Variants in THSD7A observed in about 807,000 individuals in gnomAD.
The protein encoded by THSD7A is thrombospondin type-1 domain-containing protein 7A.
THSD7A carries 96 observed loss-of-function variants against 231.3 expected under a neutral mutation model. The ratio of observed to expected loss-of-function variants is 0.41; its 90% CI spans 0.35 to 0.49. The LOEUF (loss-of-function observed/expected upper bound fraction) is 0.49. THSD7A is among the 20% of genes least tolerant of loss of function. The pLI is 0.05. For synonymous variants in THSD7A, 940 were observed against 743.3 expected, an observed-to-expected ratio of 1.26 and a Z score of -4.30; for missense variants, 2,290 against 2,070.2, an observed-to-expected ratio of 1.11 and a Z score of -2.06.
chr7:11,593,703 T>A (rs1780255651), intron 2 of THSD7A, among the ~76,000 whole-genome samples: 1 of 152,208 alleles, frequency 6.6e-6, no homozygotes, highest in African/African-American at 2.4e-5. Context: ...TTCTGTTTTC[T>A]AAGAGTTGTT....
intron 7 of THSD7A, among the ~76,000 whole-genome samples, chr7:11,477,079 G>A (rs1277104169): frequency 4.6e-5 from 7 of 152,026 alleles, no homozygotes; most frequent in Non-Finnish European, 1.0e-4. Flanking sequence ...AAACAGATAA[G>A]TTATGACCAT....
chr7:11,605,707 T>C (rs1780711460), intron 2 of THSD7A, among the ~76,000 whole-genome samples: 1 of 152,136 alleles, frequency 6.6e-6, no homozygotes, highest in East Asian at 1.9e-4. Context: ...TTACCACATA[T>C]TAGGCAGTTT....
In THSD7A at chr7:11,735,983, A is replaced by T. The variant is rs538192242; in HGVS notation, c.190+95774T>A. On this transcript the variant is annotated intron_variant, in intron 1 of 27. Transcript: ENST00000423059. ...ATTTACTTCTAGTGTTATATTAAAC[A>T]TATTTAAATATGTTGTTTTAGATAC... Among the ~76,000 whole-genome samples the T allele has an allele frequency of 1.1e-3, 164 of 152,090 alleles. 2 individuals are homozygous for T. Among genetic ancestry groups the T allele is most frequent in the African/African-American group, 3.7e-3 (155 of 41,550 alleles).
intron 6 of THSD7A, among the ~76,000 whole-genome samples, chr7:11,506,049 C>A (rs931823674): frequency 2.6e-5 from 4 of 152,024 alleles, no homozygotes; most frequent in Non-Finnish European, 5.9e-5. Context: ...TGGCACAGTC[C>A]CTGAAGCAGG....
At chr7:11,619,995 T>C (rs902826338) in intron 2 of THSD7A, among the ~76,000 whole-genome samples, 2 of 152,202 alleles carry the variant, frequency 1.3e-5, no homozygotes, top group Non-Finnish European at 2.9e-5. Flanking sequence ...TTCCTTAGCA[T>C]CTAGTCTACT....
intron 1 of THSD7A, among the ~76,000 whole-genome samples, chr7:11,791,912 G>A (rs1418266544): frequency 6.6e-6 from 1 of 151,674 alleles, no homozygotes; most frequent in African/African-American, 2.4e-5. Flanking sequence ...CTATCCACAG[G>A]GGCTTTTTTA....
At chr7:11,621,183 A>T (rs998830565) in intron 2 of THSD7A, among the ~76,000 whole-genome samples, 4 of 152,220 alleles carry the variant, frequency 2.6e-5, no homozygotes, top group Non-Finnish European at 5.9e-5. Flanking sequence ...ACAGCAGAGA[A>T]CATGCATCAT....
At chr7:11,517,330 G>A (rs974980272) in intron 6 of THSD7A, among the ~76,000 whole-genome samples, 4 of 151,824 alleles carry the variant, frequency 2.6e-5, no homozygotes, top group East Asian at 1.9e-4. Flanking sequence ...CGCCCACCTC[G>A]GCCTCCCAAA....
intron 1 of THSD7A, among the ~76,000 whole-genome samples, chr7:11,777,648 T>G (rs1043993179): frequency 6.6e-6 from 1 of 152,204 alleles, no homozygotes; most frequent in Admixed American, 6.5e-5. Context: ...TTGTCTAAGA[T>G]AGTCTAATTC....
At chr7:11,775,189 G>T (rs925036417) in intron 1 of THSD7A, among the ~76,000 whole-genome samples, 2 of 152,152 alleles carry the variant, frequency 1.3e-5, no homozygotes, top group Non-Finnish European at 2.9e-5. Context: ...AAACGGCACA[G>T]AAAATAACAA....
intron 4 of THSD7A, among the ~76,000 whole-genome samples, chr7:11,581,512 GA>G (rs1254395875): frequency 1.3e-5 from 2 of 151,846 alleles, no homozygotes; most frequent in African/African-American, 4.8e-5. Context: ...GGAAAAACTA[GA>G]ATGATAAAAA....
intron 6 of THSD7A, among the ~76,000 whole-genome samples, chr7:11,512,513 G>T (rs1321145487): frequency 6.6e-6 from 1 of 151,942 alleles, no homozygotes; most frequent in African/African-American, 2.4e-5. Context: ...CTATTCACAA[G>T]AGCAGACTTG....
chr7:11,410,259 G>C (rs1783736188), intron 19 of THSD7A, among the ~76,000 whole-genome samples: 1 of 152,106 alleles, frequency 6.6e-6, no homozygotes, highest in Non-Finnish European at 1.5e-5. Flanking sequence ...ATGTAAGAAA[G>C]TTAAGTTAGG....
chr7:11,473,111 A>T (rs183955649), intron 8 of THSD7A, among the ~76,000 whole-genome samples: 5 of 152,274 alleles, frequency 3.3e-5, no homozygotes, highest in Admixed American at 1.3e-4. Flanking sequence ...TCTCACTGGC[A>T]TGTCTTCTGT....
At chr7:11,530,736 A>G (rs12670615) in intron 6 of THSD7A, among the ~76,000 whole-genome samples, 52,349 of 151,970 alleles carry the variant, frequency 0.34, 9,731 homozygotes, top group East Asian at 0.53. Context: ...CTGCCCAGGC[A>G]TGGTGGCTCA....
At chr7:11,703,641 G>C (rs1387965310) in intron 1 of THSD7A, among the ~76,000 whole-genome samples, 2 of 151,160 alleles carry the variant, frequency 1.3e-5, no homozygotes, top group East Asian at 2.0e-4. Context: ...ATACATTTTT[G>C]TTGAGAGAAT....
chr7:11,683,882 A>G (rs1247743538), intron 1 of THSD7A, among the ~76,000 whole-genome samples: 1 of 151,948 alleles, frequency 6.6e-6, no homozygotes, highest in African/African-American at 2.4e-5. Context: ...ACAAATCGAT[A>G]TCATCCTGAT....
chr7:11,509,836 A>G lies in THSD7A; in HGVS notation c.1823-27854T>C, dbSNP rs995976191. Among the ~76,000 whole-genome samples the G allele has an allele frequency of 2.1e-4, 31 of 147,260 alleles. 2 individuals are homozygous for G. The highest frequency in any genetic ancestry group is 3.8e-4 in the Non-Finnish European group (25 of 66,298). ...GAGTCCGTCTCAAAAAAAAAAAAAA[A>G]TAACATCTGAAGAATCAAAAATAAG... On this transcript the variant is annotated intron_variant, in intron 6 of 27. Coordinates refer to ENST00000423059, the MANE Select transcript of THSD7A (RefSeq NM_015204.3).
At chr7:11,822,392 G>T (rs892482801) in intron 1 of THSD7A, among the ~76,000 whole-genome samples, 40 of 152,086 alleles carry the variant, frequency 2.6e-4, no homozygotes, top group Non-Finnish European at 4.9e-4. Flanking sequence ...TCTTTTTATG[G>T]CTGAATAGTA....
Sources: gnomAD v4.1 joint callset for allele counts (sites outside exome capture counted in the v4.1 genomes callset) on GRCh38, gnomAD v4.1.1 for gene constraint, MANE v1.5 for transcripts, NCBI Gene and HGNC (gene_info 2026-07-23, HGNC 2026-07-21) for gene names.